IMPG1: variants seen among roughly 807,000 people sequenced by gnomAD.
IMPG1 encodes the protein interphotoreceptor matrix proteoglycan 1, also known as interphotoreceptor matrix proteoglycan of 150 kDa.
In IMPG1, 85 loss-of-function variants were observed where a neutral mutation model predicts 92.0. The observed-to-expected ratio is 0.92, with a 90% CI of 0.78 to 1.11. The LOEUF is 1.11. Ranked by LOEUF, IMPG1 falls within the 50% of genes least tolerant of loss-of-function variation. IMPG1 has a pLI of 0.00. For missense variants in IMPG1, 1,022 were observed against 956.0 expected, an observed-to-expected ratio of 1.07 and a Z score of -0.91; for synonymous variants, 367 against 334.1, an observed-to-expected ratio of 1.10 and a Z score of -1.08.
chr6:76,069,555 T>A (rs987819619), intron 1 of IMPG1, among the ~76,000 whole-genome samples: 1 of 152,012 alleles, frequency 6.6e-6, no homozygotes, highest in Non-Finnish European at 1.5e-5. Context: ...CCTCAAGAAG[T>A]GGTCAAAGAA....
At chr6:76,038,825 A>G (rs1279615874) in intron 2 of IMPG1, among the ~76,000 whole-genome samples, 1 of 152,222 alleles carries the variant, frequency 6.6e-6, no homozygotes, top group African/African-American at 2.4e-5. Context: ...TCATTTGATG[A>G]TGCAGGAAGA....
At chr6:75,987,367 C>T (rs1209117844) in intron 12 of IMPG1, among the ~76,000 whole-genome samples, 1 of 149,990 alleles carries the variant, frequency 6.7e-6, no homozygotes, top group Admixed American at 6.7e-5. Flanking sequence ...AGGTTTGTTA[C>T]ATATGTATAT....
At chr6:76,072,277 T>C in intron 1 of IMPG1, 145 bp downstream of exon 1, 1 of 491,954 alleles carries the variant, frequency 2.0e-6, no homozygotes, top group Non-Finnish European at 3.6e-6. Context: ...TAGTTAATTA[T>C]TCAATCAATC....
intron 12 of IMPG1, among the ~76,000 whole-genome samples, chr6:75,961,899 C>T (rs903790191): frequency 6.6e-6 from 1 of 151,886 alleles, no homozygotes; most frequent in Non-Finnish European, 1.5e-5. Context: ...GTGTGTTTAC[C>T]TAAAATGAGG....
At position 75,923,620 on chromosome 6, in the gene IMPG1, A is replaced by T; in HGVS notation, c.2316+14T>A. On this transcript the variant is annotated intron_variant, in intron 16 of 16. Coordinates refer to ENST00000369950, the MANE Select transcript of IMPG1 (RefSeq NM_001563.4). Reference sequence around the variant, plus strand: ...GTTTAGTAATTGCAACCAACTTAGAAAGTATGATTTTACCTTGTTATTTTG... The same window carrying T: ...GTTTAGTAATTGCAACCAACTTAGATAGTATGATTTTACCTTGTTATTTTG... 7.5e-7 allele frequency: 1 copy of T among 1,327,420 alleles called. No homozygotes were observed. Among genetic ancestry groups the T allele is most frequent in the Non-Finnish European group, 1.1e-6 (1 of 922,588 alleles). 82.2% of individuals were successfully genotyped at this position (1,327,420 alleles called of 1,614,324 possible). A position where few individuals can be genotyped will look rare whatever the true frequency, so the allele number is the denominator to read the frequency against.
At chr6:76,019,999 T>C (rs977482391) in intron 6 of IMPG1, among the ~76,000 whole-genome samples, 1 of 152,186 alleles carries the variant, frequency 6.6e-6, no homozygotes, top group African/African-American at 2.4e-5. Context: ...AACAGTACTT[T>C]TCACTGTTGA....
chr6:75,927,538 C>G (rs181316002), intron 15 of IMPG1, among the ~76,000 whole-genome samples: 2 of 152,060 alleles, frequency 1.3e-5, no homozygotes, highest in African/African-American at 2.4e-5. Context: ...GCTGTGGTCC[C>G]GTTTCTTCAC....
intron 12 of IMPG1, among the ~76,000 whole-genome samples, chr6:75,985,294 A>G (rs897961596): frequency 6.6e-6 from 1 of 152,198 alleles, no homozygotes; most frequent in African/African-American, 2.4e-5. Context: ...GGACTTTAAA[A>G]TGCTGCCCCT....
At chr6:75,928,701 T>C (rs757329862) in intron 15 of IMPG1, 1 of 152,220 alleles carries the variant, frequency 6.6e-6, no homozygotes, top group Non-Finnish European at 1.5e-5. Flanking sequence ...TCCATTCCAT[T>C]GTTAACTGGA....
At chr6:76,065,402 G>C (rs1451648519) in intron 1 of IMPG1, among the ~76,000 whole-genome samples, 1 of 152,022 alleles carries the variant, frequency 6.6e-6, no homozygotes, top group Non-Finnish European at 1.5e-5. Flanking sequence ...AACCTGATAG[G>C]ATGTCTGCAA....
At chr6:76,066,485 T>C (rs1784312611) in intron 1 of IMPG1, among the ~76,000 whole-genome samples, 1 of 152,052 alleles carries the variant, frequency 6.6e-6, no homozygotes, top group Non-Finnish European at 1.5e-5. Context: ...TATATAATGA[T>C]AACGGGATCA....
At chr6:76,006,544 A>ATG (rs1783103265) in intron 9 of IMPG1, among the ~76,000 whole-genome samples, 1 of 150,060 alleles carries the variant, frequency 6.7e-6, no homozygotes, top group South Asian at 2.1e-4. Flanking sequence ...GTGTGTGTGT[A>ATG]TGTGTATATA....
intron 12 of IMPG1, among the ~76,000 whole-genome samples, chr6:75,965,998 G>A (rs1182473499): frequency 6.6e-6 from 1 of 152,070 alleles, no homozygotes; most frequent in African/African-American, 2.4e-5. Flanking sequence ...CCTTTGCAGA[G>A]CCATTATTTA....
chr6:75,927,219 A>C (rs1781570165), intron 15 of IMPG1, among the ~76,000 whole-genome samples: 1 of 152,176 alleles, frequency 6.6e-6, no homozygotes, highest in Non-Finnish European at 1.5e-5. Flanking sequence ...TCCTTACCAA[A>C]AACCATGAAT....
chr6:76,014,595 A>G (rs183784742), intron 7 of IMPG1, among the ~76,000 whole-genome samples: 111 of 152,344 alleles, frequency 7.3e-4, no homozygotes, highest in Non-Finnish European at 1.4e-3. Flanking sequence ...TAACAGCTCC[A>G]GGGATTTAAC....
intron 12 of IMPG1, among the ~76,000 whole-genome samples, chr6:75,983,703 C>A (rs1782666858): frequency 6.6e-6 from 1 of 152,012 alleles, no homozygotes; most frequent in Non-Finnish European, 1.5e-5. Flanking sequence ...AAAGCACAGG[C>A]AGCAAAAGTG....
At chr6:76,016,324 T>C (rs1036243484) in intron 7 of IMPG1, among the ~76,000 whole-genome samples, 1 of 152,210 alleles carries the variant, frequency 6.6e-6, no homozygotes, top group East Asian at 1.9e-4. Context: ...GTTTAGAAAA[T>C]TGACAATAGA....
intron 12 of IMPG1, among the ~76,000 whole-genome samples, chr6:75,968,544 ATAT>A (rs1326111658): frequency 6.6e-6 from 1 of 151,832 alleles, no homozygotes; most frequent in Non-Finnish European, 1.5e-5. Context: ...AAAATGATAG[ATAT>A]TATTTTATTA....
At chr6:75,983,605 C>G (rs1782665488) in intron 12 of IMPG1, among the ~76,000 whole-genome samples, 1 of 152,050 alleles carries the variant, frequency 6.6e-6, no homozygotes, top group Non-Finnish European at 1.5e-5. Flanking sequence ...AAATGTAAAA[C>G]CTGAAACTCT....
Sources: gnomAD v4.1 joint callset for allele counts (sites outside exome capture counted in the v4.1 genomes callset) on GRCh38, gnomAD v4.1.1 for gene constraint, MANE v1.5 for transcripts, NCBI Gene and HGNC (gene_info 2026-07-23, HGNC 2026-07-21) for gene names.